Variants in GALK2 observed in about 807,000 individuals in gnomAD.
GALK2 encodes N-acetylgalactosamine kinase.
Under a neutral mutation model 52.4 loss-of-function variants are expected in GALK2, and 36 were observed. The observed-to-expected ratio is 0.69, with a 90% CI of 0.53 to 0.91. The LOEUF (loss-of-function observed/expected upper bound fraction) is 0.91. GALK2 is among the 40% of genes least tolerant of loss of function. The probability of loss-of-function intolerance (pLI) is 0.00; values close to 1 mark genes in which losing one functional copy is unlikely to be tolerated. For missense variants in GALK2, 579 were observed against 559.1 expected (o/e 1.04, Z -0.36); for synonymous variants, 176 against 199.1 (o/e 0.88, Z 0.98).
At chr15:49,197,019 C>G (rs1270546338) in intron 1 of GALK2, among the ~76,000 whole-genome samples, 2 of 152,190 alleles carry the variant, frequency 1.3e-5, no homozygotes, top group African/African-American at 2.4e-5. Context: ...CCCAGGAGTT[C>G]TAGGCTGCAG....
At chr15:49,229,763 G>A (rs1319002676) in intron 3 of GALK2, among the ~76,000 whole-genome samples, 1 of 152,150 alleles carries the variant, frequency 6.6e-6, no homozygotes, top group Admixed American at 6.6e-5. Flanking sequence ...CTGCGGGGGA[G>A]AGTGGGGTTG....
At chr15:49,301,490 T>C (rs988910657) in intron 8 of GALK2, among the ~76,000 whole-genome samples, 1 of 152,016 alleles carries the variant, frequency 6.6e-6, no homozygotes, top group Non-Finnish European at 1.5e-5. Flanking sequence ...AGAAGAAAAT[T>C]TGAAGCTGTG....
chr15:49,287,236 G>C (rs917986236), intron 7 of GALK2, among the ~76,000 whole-genome samples: 4 of 152,070 alleles, frequency 2.6e-5, no homozygotes, highest in African/African-American at 9.7e-5. Flanking sequence ...TCTGAATTTG[G>C]CTTTTTGCTA....
At chr15:49,244,960 A>G (rs1334034598) in intron 5 of GALK2, among the ~76,000 whole-genome samples, 1 of 152,200 alleles carries the variant, frequency 6.6e-6, no homozygotes, top group African/African-American at 2.4e-5. Flanking sequence ...AGCTAGATAT[A>G]CAAATCTAAG....
intron 8 of GALK2, among the ~76,000 whole-genome samples, chr15:49,297,183 G>C (rs1181105891): frequency 6.6e-6 from 1 of 152,120 alleles, no homozygotes; most frequent in African/African-American, 2.4e-5. Context: ...GTAATGATTA[G>C]ATATTGAGCA....
chr15:49,290,094 T>C (rs377300071), intron 7 of GALK2, among the ~76,000 whole-genome samples: 43 of 152,344 alleles, frequency 2.8e-4, no homozygotes, highest in South Asian at 2.3e-3. Context: ...CCCTGACTTA[T>C]AGCCCTGCTT....
chr15:49,273,201 A>C (rs926199826), intron 5 of GALK2, among the ~76,000 whole-genome samples: 5 of 152,224 alleles, frequency 3.3e-5, no homozygotes, highest in Non-Finnish European at 5.9e-5. Context: ...TGAGTGCTTA[A>C]TGCAAACTCT....
intron 5 of GALK2, among the ~76,000 whole-genome samples, chr15:49,270,273 T>C (rs1425760038): frequency 6.6e-6 from 1 of 152,226 alleles, no homozygotes. Flanking sequence ...TTTTGTTTAA[T>C]CTTACTTACT....
At chr15:49,177,747 G>A in intron 1 of GALK2, 1 of 808,508 alleles carries the variant, frequency 1.2e-6, no homozygotes, top group Non-Finnish European at 1.8e-6. Context: ...CCCTTTGCTT[G>A]TGGACTGGTT....
rs565510657 is a variant in GALK2, at chr15:49,170,585, G to GT, written c.53+217dup. 203 of 556,708 alleles carry GT rather than the reference G, an allele frequency of 3.6e-4. 3 individuals carry two copies. The South Asian group carries it at 4.7e-3, about 13-fold the overall frequency. The allele number at this position is 556,708 out of a possible 1,614,324, so 34.5% of individuals were successfully genotyped here. A position where few individuals can be genotyped will look rare whatever the true frequency, so the allele number is the denominator to read the frequency against. On this transcript the variant is annotated intron_variant, in intron 1 of 9. Transcript: ENST00000560031. Reference sequence around the variant, plus strand: ...CCTTGACTACTACGAAGGGTTGTATGTTTTTTTCTTCATCCATGCAGATTC... The same window carrying GT: ...CCTTGACTACTACGAAGGGTTGTATGTTTTTTTTCTTCATCCATGCAGATTC...
At chr15:49,211,865 C>G (rs972974729) in intron 2 of GALK2, among the ~76,000 whole-genome samples, 5 of 152,162 alleles carry the variant, frequency 3.3e-5, no homozygotes, top group Non-Finnish European at 7.4e-5. Flanking sequence ...CACCAGGCTT[C>G]ACTTCCAGCA....
intron 3 of GALK2, among the ~76,000 whole-genome samples, chr15:49,351,865 G>C (rs1370932547): frequency 6.6e-6 from 1 of 152,178 alleles, no homozygotes; most frequent in Non-Finnish European, 1.5e-5. Context: ...GGCTAGCTTG[G>C]GAAGGGAATA....
At chr15:49,269,071 A>G (rs1428136104) in intron 5 of GALK2, among the ~76,000 whole-genome samples, 2 of 152,210 alleles carry the variant, frequency 1.3e-5, no homozygotes, top group Non-Finnish European at 2.9e-5. Flanking sequence ...ATCTGGAGAA[A>G]GAGATTACAA....
At chr15:49,262,462 T>A (rs1473832952) in intron 5 of GALK2, among the ~76,000 whole-genome samples, 1 of 152,258 alleles carries the variant, frequency 6.6e-6, no homozygotes, top group Non-Finnish European at 1.5e-5. Flanking sequence ...CTCTGTTTTC[T>A]TCTGTATTAG....
intron 3 of GALK2, among the ~76,000 whole-genome samples, chr15:49,338,790 C>T (rs1305523898): frequency 6.6e-6 from 1 of 152,196 alleles, no homozygotes; most frequent in Non-Finnish European, 1.5e-5. Flanking sequence ...GGTCTTTTCA[C>T]ATAGTCCCAT....
At chr15:49,270,491 G>A (rs2030331628) in intron 5 of GALK2, among the ~76,000 whole-genome samples, 1 of 152,118 alleles carries the variant, frequency 6.6e-6, no homozygotes, top group African/African-American at 2.4e-5. Context: ...ATGCAAGAGT[G>A]GTGTTCACAT....
At chr15:49,367,088 ACT>A (rs752745972) in intron 3 of GALK2, among the ~76,000 whole-genome samples, 2 of 152,272 alleles carry the variant, frequency 1.3e-5, no homozygotes, top group Non-Finnish European at 2.9e-5. Flanking sequence ...CATGCCTAAA[ACT>A]CTCTTTGGAG....
rs79791338 is a variant in GALK2 at position 49,347,221 on chromosome 15, T to C, written c.427-20270T>C. Among the ~76,000 whole-genome samples the C allele has an allele frequency of 1.5e-3, 233 of 152,332 alleles. 9 individuals carry two copies. The East Asian group carries it at 0.043, about 28-fold the overall frequency. ...AATTCAACAAAATTGCCAGGACTTG[T>C]ATTAGGCATGGAGACACAAAAATAA... is the stretch of plus-strand genomic sequence containing the variant. On this transcript the variant is annotated intron_variant, in intron 3 of 3. Coordinates refer to the GALK2 transcript ENST00000558399.
rs1415509930 is a variant in GALK2 at position 49,217,327 on chromosome 15, A to T, written c.266+14A>T. 1.2e-6 allele frequency: 2 copies of T among 1,613,464 alleles called. No individual in the cohort carries two copies. Among genetic ancestry groups the T allele is most frequent in the Non-Finnish European group, 1.7e-6 (2 of 1,179,644 alleles). On this transcript the variant is annotated intron_variant, in intron 3 of 9. Coordinates refer to ENST00000560031, the MANE Select transcript of GALK2 (RefSeq NM_002044.4). ...TCCCTTGTATCCGTGAGTATTTAAA[A>T]TTGTTAGTGTGTGTGTATGTATGGT...
Sources: gnomAD v4.1 joint callset for allele counts (sites outside exome capture counted in the v4.1 genomes callset) on GRCh38, gnomAD v4.1.1 for gene constraint, MANE v1.5 for transcripts, NCBI Gene and HGNC (gene_info 2026-07-23, HGNC 2026-07-21) for gene names.